SSX2IP: variants seen among roughly 807,000 people sequenced by gnomAD.
SSX2IP encodes the protein afadin- and alpha-actinin-binding protein.
A neutral mutation model predicts 84.9 loss-of-function variants in SSX2IP; 55 were observed. The observed-to-expected ratio is 0.65, with a 90% CI of 0.52 to 0.81. SSX2IP has a LOEUF of 0.81. SSX2IP is among the 30% of genes least tolerant of loss of function. The pLI is 0.00. For synonymous variants in SSX2IP, 239 were observed against 234.7 expected (o/e 1.02, Z -0.17); for missense variants, 664 against 705.2 (o/e 0.94, Z 0.66).
chr1:84,660,011 A>G (rs1295240227), intron 8 of SSX2IP, among the ~76,000 whole-genome samples: 1 of 152,038 alleles, frequency 6.6e-6, no homozygotes, highest in Non-Finnish European at 1.5e-5. Flanking sequence ...AAAAAACCAA[A>G]AAACAAAACA....
intron 11 of SSX2IP, chr1:84,655,320 T>TA (rs1650919769): frequency 9.3e-7 from 1 of 1,070,312 alleles, no homozygotes; most frequent in African/African-American, 1.7e-5. Flanking sequence ...TTTTTTTTTT[T>TA]AACCTTATTC....
At chr1:84,672,629 AT>A (rs1653746723) in intron 1 of SSX2IP, among the ~76,000 whole-genome samples, 1 of 152,208 alleles carries the variant, frequency 6.6e-6, no homozygotes, top group South Asian at 2.1e-4. Flanking sequence ...AATAAGCCAA[AT>A]AAAATGTGTC....
intron 1 of SSX2IP, among the ~76,000 whole-genome samples, chr1:84,684,424 C>T (rs1473598291): frequency 6.6e-6 from 1 of 152,106 alleles, no homozygotes; most frequent in Non-Finnish European, 1.5e-5. Context: ...AAATGGATTC[C>T]AAGAATGATG....
chr1:84,649,285 A>G (rs1465510116), intron 13 of SSX2IP, among the ~76,000 whole-genome samples: 1 of 152,102 alleles, frequency 6.6e-6, no homozygotes, highest in African/African-American at 2.4e-5. Context: ...CTCCATCCTC[A>G]TCTCACACCT....
chr1:84,655,395 C>A, intron 11 of SSX2IP: 1 of 1,224,552 alleles, frequency 8.2e-7, no homozygotes, highest in Non-Finnish European at 1.0e-6. Context: ...GTAAAAAAAG[C>A]AAGCTGTAGA....
rs1649382567 is a variant in SSX2IP at position 84,645,672 on chromosome 1, T to G, written c.*1761A>C. On this transcript the variant is annotated 3_prime_UTR_variant, in exon 14 of 14. Transcript: ENST00000342203. The stretch of plus-strand genomic sequence containing the variant: ...GTATCCATTAACTGTATTTAAAATT[T>G]CTGATTGCCTTTTTGACCATGTTAT... 1.3e-5 allele frequency: 2 copies of G among 152,184 alleles called. 1 individual carries two copies. Among genetic ancestry groups the G allele is most frequent in the South Asian group, 4.1e-4 (2 of 4,828 alleles). 9.4% of individuals were successfully genotyped at this position (152,184 alleles called of 1,614,324 possible).
intron 8 of SSX2IP, among the ~76,000 whole-genome samples, chr1:84,660,902 A>G (rs1464546018): frequency 6.7e-6 from 1 of 148,198 alleles, no homozygotes; most frequent in African/African-American, 2.5e-5. Flanking sequence ...ATACAAAAAA[A>G]AAAAAAAAAA....
intron 1 of SSX2IP, among the ~76,000 whole-genome samples, chr1:84,677,214 ATTAAG>A (rs1297880475): frequency 6.6e-6 from 1 of 152,202 alleles, no homozygotes; most frequent in East Asian, 1.9e-4. Flanking sequence ...TTATATACTA[ATTAAG>A]TTGAGGCATA....
chr1:84,661,563 G>A (rs921236542), intron 8 of SSX2IP, among the ~76,000 whole-genome samples: 2 of 151,890 alleles, frequency 1.3e-5, no homozygotes, highest in African/African-American at 4.8e-5. Context: ...ACTTCTCCAC[G>A]TCTGTCTTTC....
chr1:84,649,529 G>A (rs1210788320), intron 13 of SSX2IP: 1 of 153,478 alleles, frequency 6.5e-6, no homozygotes, highest in African/African-American at 2.4e-5. Context: ...TGGCCCAAGG[G>A]CCAGCTGGCT....
chr1:84,662,561 T>A, intron 6 of SSX2IP, 31 bp from the exon 7 acceptor site: 1 of 1,607,912 alleles, frequency 6.2e-7, no homozygotes, highest in Middle Eastern at 1.7e-4. Flanking sequence ...AATTAATTCT[T>A]ACCATACATG....
In SSX2IP at chr1:84,666,161, G is replaced by A. The variant is rs1311648078; in HGVS notation, c.498C>T (p.Asn166=). The change falls in exon 5 of 14, where the codon AAC becomes AAT. Residue 166 remains asparagine (N), a synonymous_variant. Coordinates refer to ENST00000342203, the MANE Select transcript of SSX2IP (RefSeq NM_001166293.2). ...QERDRQLQCK[N]RNLHQLLKNE... is the part of the protein sequence containing the mutation. ...TCTTTAGTAGCTGATGCAAATTCCT[G>A]TTCTTACATTGTAACTGTCTGTCTC... is the stretch of plus-strand genomic sequence containing the variant. The A allele has an allele frequency of 6.2e-7, 1 of 1,612,280 alleles. No homozygotes were observed. Among genetic ancestry groups the A allele is most frequent in the South Asian group, 1.1e-5 (1 of 90,830 alleles).
At chr1:84,655,054 A>G (rs1650876774) in intron 11 of SSX2IP, among the ~76,000 whole-genome samples, 1 of 152,138 alleles carries the variant, frequency 6.6e-6, no homozygotes, top group African/African-American at 2.4e-5. Flanking sequence ...CAATATTATG[A>G]AGACATGAGA....
intron 6 of SSX2IP, 140 bp downstream of exon 6, chr1:84,664,277 A>C (rs1557494030): frequency 1.1e-6 from 1 of 901,290 alleles, no homozygotes; most frequent in Non-Finnish European, 1.5e-6. Context: ...TTTTTTATAT[A>C]AACAAACACC....
chr1:84,647,867 G>A (rs1434698598), intron 13 of SSX2IP, among the ~76,000 whole-genome samples: 1 of 152,032 alleles, frequency 6.6e-6, no homozygotes, highest in African/African-American at 2.4e-5. Flanking sequence ...GTAACATGGT[G>A]AAACCCTGTC....
At chr1:84,650,129 G>T in intron 13 of SSX2IP, 1 of 617,306 alleles carries the variant, frequency 1.6e-6, no homozygotes, top group Admixed American at 2.8e-5. Flanking sequence ...CACATCATAT[G>T]ATTTACCTCC....
chr1:84,680,328 C>T (rs943743184), intron 1 of SSX2IP: 3 of 152,258 alleles, frequency 2.0e-5, no homozygotes, highest in African/African-American at 7.2e-5. Flanking sequence ...ACCCCGGCTT[C>T]TCCACTTACA....
chr1:84,662,092 C>G, intron 8 of SSX2IP, 106 bp downstream of exon 8: 1 of 705,552 alleles, frequency 1.4e-6, no homozygotes, highest in East Asian at 2.6e-5. Context: ...AGTTGAGTGT[C>G]CTATTCAAAA....
rs74861676 is a variant in SSX2IP at position 84,667,645 on chromosome 1, C to T, written c.427-1413G>A. On this transcript the variant is annotated intron_variant, in intron 4 of 13. Transcript: ENST00000342203. ...AGGAGATGAGGCTCCAGCCTTACCT[C>T]ATACCACTCTTCATACCATCACATA... is the stretch of plus-strand genomic sequence containing the variant. Among the ~76,000 whole-genome samples the T allele has an allele frequency of 1.4e-3, 216 of 152,268 alleles. 7 individuals carry two copies. In the East Asian group the frequency reaches 0.036, roughly 25 times the overall value.
Sources: allele counts gnomAD v4.1 joint callset (sites outside exome capture counted in the v4.1 genomes callset), GRCh38; gene constraint gnomAD v4.1.1; transcripts MANE v1.5; gene names NCBI Gene and HGNC (gene_info 2026-07-23, HGNC 2026-07-21).